The following ANO7 variants were observed in gnomAD, a reference collection of about 807,000 sequenced individuals.
ANO7 encodes the protein anoctamin 7.
ANO7 carries 114 observed loss-of-function variants against 115.8 expected under a neutral mutation model. The observed-to-expected ratio is 0.98, with a 90% confidence interval of 0.85 to 1.15. The LOEUF (loss-of-function observed/expected upper bound fraction) is 1.15. Among genes scored for constraint, ANO7 ranks in the 50% most tolerant of loss-of-function variants. The probability of loss-of-function intolerance (pLI) is 0.00; values close to 1 mark genes in which losing one functional copy is unlikely to be tolerated. For synonymous variants in ANO7, 550 were observed against 498.2 expected, an observed-to-expected ratio of 1.10 and a Z score of -1.38; for missense variants, 1,302 against 1,201.2, an observed-to-expected ratio of 1.08 and a Z score of -1.24.
At chr2:241,204,675 G>A (rs1301159642) in intron 9 of ANO7, among the ~76,000 whole-genome samples, 190 bp from the exon 10 acceptor site, 2 of 152,120 alleles carry the variant, frequency 1.3e-5, no homozygotes, top group African/African-American at 2.4e-5. Flanking sequence ...CTAGGGCAGA[G>A]GCCCAGGAGG....
At chr2:241,239,627 C>A in the ANO7 span, 1 of 1,614,166 alleles carries the variant, frequency 6.2e-7, no homozygotes, top group South Asian at 1.1e-5. This position sits in a 1 kb window ranked among gnomAD's most constrained non-coding sequence, Gnocchi z 4.6. Flanking sequence ...CTCCTGAATG[C>A]GTTTCTTGGC....
At chr2:241,218,982 A>G (rs1330001090) in intron 21 of ANO7, among the ~76,000 whole-genome samples, 1 of 152,170 alleles carries the variant, frequency 6.6e-6, no homozygotes, top group Non-Finnish European at 1.5e-5. Flanking sequence ...TGGTGGCGCC[A>G]AGGTCATCTA....
rs761020860 is a variant in ANO7 at position 241,209,302 on chromosome 2, C to T, written c.1095C>T (p.Asp365=). The T allele has an allele frequency of 1.4e-5, 22 of 1,558,504 alleles. No individual in the cohort carries two copies. The highest frequency in any genetic ancestry group is 1.9e-5 in the Non-Finnish European group (22 of 1,151,920). ...TGCCACAGGCCGGCCGGCTGTTCGA[C>T]CACGGCGGCACCGTGTTCTTCAGCT... The part of the protein sequence containing the change: ...CALAQAGRLF[D]HGGTVFFSLF... The change falls in exon 12 of 25, where the codon GAC becomes GAT. Residue 365 remains aspartate, a synonymous_variant. Transcript: ENST00000674324.
downstream of ANO7, among the ~76,000 whole-genome samples, chr2:241,226,172 C>A (rs2069165416): frequency 6.6e-6 from 1 of 151,986 alleles, no homozygotes; most frequent in East Asian, 1.9e-4. Context: ...TGCGCCCTAC[C>A]CTGCCTGTGA....
chr2:241,222,806 T>C (rs1337982932), intron 21 of ANO7, among the ~76,000 whole-genome samples: 1 of 152,170 alleles, frequency 6.6e-6, no homozygotes, highest in Non-Finnish European at 1.5e-5. Flanking sequence ...GGTGAACTGC[T>C]GATCTCACAG....
intron 17 of ANO7, 97 bp from the exon 18 acceptor site, chr2:241,214,708 T>G (rs1574788946): frequency 9.2e-7 from 1 of 1,089,764 alleles, no homozygotes; most frequent in Non-Finnish European, 1.3e-6. Flanking sequence ...AGGAGGGAGG[T>G]GGGGGCCGGG....
intron 20 of ANO7, 88 bp from the exon 21 acceptor site, chr2:241,218,140 AGGGGCGGGGCG>A (rs2068900987): frequency 2.8e-6 from 1 of 354,134 alleles, no homozygotes; most frequent in African/African-American, 1.8e-4. Context: ...GGGGGCGCGC[AGGGGCGGGGCG>A]GGGGGGCAGC....
At chr2:241,205,039 T>C in intron 10 of ANO7, 84 bp downstream of exon 10, 1 of 1,171,674 alleles carries the variant, frequency 8.5e-7, no homozygotes, top group African/African-American at 1.5e-5. Flanking sequence ...AGGTGCTAGG[T>C]CCTGTGCAGA....
At chr2:241,217,484 A>T in intron 19 of ANO7, 1 of 601,964 alleles carries the variant, frequency 1.7e-6, no homozygotes, top group Non-Finnish European at 2.9e-6. Flanking sequence ...AGCGCAGGGC[A>T]GGACAGCCGG....
rs777586338 is a variant in ANO7, at chr2:241,191,221, A to C, written c.136A>C (p.Arg46=). ...AGGTGGACAGCAAGCGGCCGCCTGC[A>C]GAGCTGGGAGTCCTGCCAAGCCCCG... ...EPGGQQAAAC[R]AGSPAKPRIA... is the part of the protein sequence containing the mutation. Residue 46 remains arginine (R), a synonymous_variant, in exon 3 of 25, where the codon AGA becomes CGA. Coordinates refer to ENST00000674324, the MANE Select transcript of ANO7 (RefSeq NM_001370694.2). 2 of 1,613,840 alleles carry C rather than the reference A, an allele frequency of 1.2e-6. No individual in the cohort carries two copies. Among genetic ancestry groups the C allele is most frequent in the Non-Finnish European group, 1.7e-6 (2 of 1,179,966 alleles).
chr2:241,207,208 A>G (rs28756686), intron 10 of ANO7, among the ~76,000 whole-genome samples: 14 of 72,060 alleles, frequency 1.9e-4, no homozygotes, highest in African/African-American at 4.5e-4. Context: ...TGACAGGTGG[A>G]CAGGAGTGCT....
At chr2:241,217,522 T>C in intron 19 of ANO7, 164 bp from the exon 20 acceptor site, 3 of 785,082 alleles carry the variant, frequency 3.8e-6, no homozygotes, top group Non-Finnish European at 5.9e-6. Flanking sequence ...GAGGCGGCCC[T>C]GGCGCTGCGC....
chr2:241,234,994 C>T, the ANO7 span: 2 of 1,138,570 alleles, frequency 1.8e-6, no homozygotes, highest in Non-Finnish European at 2.5e-6. Context: ...CCTGGCACTG[C>T]CTGCATCTCA....
chr2:241,201,893 C>T (rs978915073), intron 7 of ANO7, among the ~76,000 whole-genome samples: 7 of 152,216 alleles, frequency 4.6e-5, no homozygotes, highest in Admixed American at 3.9e-4. Flanking sequence ...GAGTGGGCTG[C>T]GCACGGCCAG....
At chr2:241,189,764 G>A (rs533743725) in intron 1 of ANO7, among the ~76,000 whole-genome samples, 2 of 152,278 alleles carry the variant, frequency 1.3e-5, no homozygotes, top group African/African-American at 2.4e-5. Context: ...CAGAGTGGAC[G>A]GCATTCAGGG....
chr2:241,195,607 TC>T, intron 3 of ANO7, 95 bp from the exon 4 acceptor site: 1 of 1,248,566 alleles, frequency 8.0e-7, no homozygotes, highest in South Asian at 1.4e-5. Flanking sequence ...AGTGCATGGC[TC>T]CCCACTGCGT....
the ANO7 span, chr2:241,236,441 A>C: frequency 3.0e-6 from 2 of 667,226 alleles, no homozygotes; most frequent in Non-Finnish European, 5.2e-6. Context: ...GGCCTCCCCA[A>C]ACTCTGTGTC....
At position 241,224,165 on chromosome 2, in the gene ANO7, A is replaced by C; in HGVS notation, c.*12A>C. The C allele has an allele frequency of 6.2e-7, 1 of 1,613,984 alleles. No homozygotes were observed. ...AGCTGCAGCAGTGACGCCTGGAAGG[A>C]CATCTGGTGGTCCTTAGGGGAGTGG... On this transcript the variant is annotated 3_prime_UTR_variant, in exon 25 of 25. Coordinates refer to ENST00000674324, the MANE Select transcript of ANO7 (RefSeq NM_001370694.2).
chr2:241,192,166 A>G, intron 3 of ANO7, among the ~76,000 whole-genome samples: 1 of 152,150 alleles, frequency 6.6e-6, no homozygotes, highest in East Asian at 1.9e-4. Context: ...GAGAAACTAA[A>G]AATACAAAAT....
Sources: allele counts gnomAD v4.1 joint callset (sites outside exome capture counted in the v4.1 genomes callset), GRCh38; gene constraint gnomAD v4.1.1; non-coding constraint Gnocchi (gnomAD v3.1); transcripts MANE v1.5; gene names NCBI Gene and HGNC (gene_info 2026-07-23, HGNC 2026-07-21).